The following ERBB4 variants were observed in gnomAD, a reference collection of about 807,000 sequenced individuals.
The protein encoded by ERBB4 is receptor tyrosine-protein kinase erbB-4.
A neutral mutation model predicts 158.0 loss-of-function variants in ERBB4; 42 were observed. The ratio of observed to expected loss-of-function variants is 0.27; its 90% CI spans 0.21 to 0.34. The LOEUF is 0.34. Ranked by LOEUF, ERBB4 falls within the 10% of genes least tolerant of loss-of-function variation. The pLI, the probability that ERBB4 is intolerant of heterozygous loss-of-function variation, is 1.00. For synonymous variants in ERBB4, 583 were observed against 558.7 expected, an observed-to-expected ratio of 1.04 and a Z score of -0.61; for missense variants, 1,333 against 1,624.1, an observed-to-expected ratio of 0.82 and a Z score of 3.08.
intron 19 of ERBB4, among the ~76,000 whole-genome samples, chr2:211,614,405 G>A (rs923279664): frequency 6.6e-6 from 1 of 151,980 alleles, no homozygotes; most frequent in Non-Finnish European, 1.5e-5. Flanking sequence ...ATTTTAAGAT[G>A]ACTTAATGAG....
intron 1 of ERBB4, among the ~76,000 whole-genome samples, chr2:212,213,186 C>A (rs1338042415): frequency 6.6e-6 from 1 of 150,720 alleles, no homozygotes; most frequent in East Asian, 2.0e-4. Flanking sequence ...GGTGTAATAT[C>A]CAGAATTTAC....
chr2:212,463,584 C>A (rs189216647), intron 1 of ERBB4, among the ~76,000 whole-genome samples: 59 of 151,846 alleles, frequency 3.9e-4, no homozygotes, highest in African/African-American at 1.4e-3. Flanking sequence ...TTATTTATAC[C>A]TGAAAAGGCT....
chr2:211,399,602 T>C (rs1039596423), intron 25 of ERBB4, among the ~76,000 whole-genome samples: 1 of 152,180 alleles, frequency 6.6e-6, no homozygotes, highest in Non-Finnish European at 1.5e-5. Context: ...TCTGAAGCCA[T>C]TGTTGGAAAT....
At chr2:212,204,967 C>G (rs539183730) in intron 1 of ERBB4, among the ~76,000 whole-genome samples, 1 of 151,066 alleles carries the variant, frequency 6.6e-6, no homozygotes, top group Non-Finnish European at 1.5e-5. Flanking sequence ...TACAGGTATG[C>G]ACCACCACGC....
intron 20 of ERBB4, among the ~76,000 whole-genome samples, chr2:211,541,870 G>A (rs1365707544): frequency 5.3e-5 from 8 of 151,948 alleles, no homozygotes; most frequent in Non-Finnish European, 1.2e-4. Context: ...TGTCACGTGA[G>A]TTTCATGTTA....
At chr2:211,963,190 T>C (rs1236967475) in intron 2 of ERBB4, among the ~76,000 whole-genome samples, 5 of 152,074 alleles carry the variant, frequency 3.3e-5, no homozygotes, top group Non-Finnish European at 5.9e-5. Flanking sequence ...ATATTTGTGG[T>C]TGTCATCTTT....
intron 1 of ERBB4, among the ~76,000 whole-genome samples, chr2:212,321,992 G>T (rs1188802841): frequency 6.7e-6 from 1 of 150,156 alleles, no homozygotes; most frequent in Admixed American, 6.6e-5. Flanking sequence ...AGAATAATAC[G>T]ATTTTGTTGG....
chr2:212,030,001 C>A (rs1224375989), intron 2 of ERBB4, among the ~76,000 whole-genome samples: 1 of 152,076 alleles, frequency 6.6e-6, no homozygotes, highest in Non-Finnish European at 1.5e-5. Flanking sequence ...TCAGGCATAC[C>A]AGGCTGTGAC....
Position 212,440,767 on chromosome 2 carries a change from G to A in ERBB4, c.82+97682C>T, listed in dbSNP as rs80048278. The stretch of plus-strand genomic sequence containing the variant: ...ACTTAACACTCCTGATTCACCACTC[G>A]TGAGAGGCAAAGAGTTTAGTGACTC... On this transcript the variant is annotated intron_variant, in intron 1 of 27. Transcript: ENST00000342788. Among the ~76,000 whole-genome samples the A allele has an allele frequency of 7.0e-4, 107 of 152,278 alleles. 1 individual carries two copies. The highest frequency in any genetic ancestry group is 2.1e-3 in the African/African-American group (87 of 41,562).
At chr2:211,450,818 T>C (rs2125476719) in intron 20 of ERBB4, among the ~76,000 whole-genome samples, 1 of 152,280 alleles carries the variant, frequency 6.6e-6, no homozygotes, top group African/African-American at 2.4e-5. Context: ...TATGACTACC[T>C]GACAACATAT....
chr2:211,736,834 C>T (rs1311995483), intron 5 of ERBB4, among the ~76,000 whole-genome samples: 3 of 151,958 alleles, frequency 2.0e-5, no homozygotes, highest in Admixed American at 6.6e-5. Flanking sequence ...TACAAAACAA[C>T]TTTTTGGATC....
chr2:212,316,244 G>A (rs1438365586), intron 1 of ERBB4, among the ~76,000 whole-genome samples: 1 of 151,188 alleles, frequency 6.6e-6, no homozygotes, highest in Non-Finnish European at 1.5e-5. Context: ...GAGTAGTATG[G>A]TGCACTGTAA....
intron 19 of ERBB4, among the ~76,000 whole-genome samples, chr2:211,596,440 G>A (rs1291616089): frequency 6.6e-6 from 1 of 152,146 alleles, no homozygotes; most frequent in African/African-American, 2.4e-5. Context: ...AGTTCTGGAT[G>A]CTTAGGTCTA....
At chr2:211,978,727 T>C (rs1401941199) in intron 2 of ERBB4, among the ~76,000 whole-genome samples, 1 of 152,220 alleles carries the variant, frequency 6.6e-6, no homozygotes, top group Non-Finnish European at 1.5e-5. Context: ...TTGTCCTAAG[T>C]ACCATACTCA....
chr2:212,125,003 C>A, intron 1 of ERBB4, 100 bp from the exon 2 acceptor site: 1 of 1,359,168 alleles, frequency 7.4e-7, no homozygotes, highest in East Asian at 2.3e-5. Flanking sequence ...AAGCCTATCC[C>A]AGTTCTCTGA....
chr2:211,561,809 T>C (rs1027531000), intron 20 of ERBB4, 94 bp downstream of exon 20: 9 of 1,100,048 alleles, frequency 8.2e-6, no homozygotes, highest in Non-Finnish European at 1.1e-5. Context: ...TTTATTTAAA[T>C]GGGAAGACAA....
At chr2:212,112,918 CA>C (rs1446763605) in intron 2 of ERBB4, among the ~76,000 whole-genome samples, 1 of 152,024 alleles carries the variant, frequency 6.6e-6, no homozygotes, top group Non-Finnish European at 1.5e-5. Context: ...ATTATCTGTT[CA>C]AAAAATAAAA....
chr2:212,499,756 G>A (rs935699010), intron 1 of ERBB4, among the ~76,000 whole-genome samples: 1 of 152,098 alleles, frequency 6.6e-6, no homozygotes, highest in Admixed American at 6.6e-5. Flanking sequence ...AAGCTGGTCT[G>A]GTGAGGAAAT....
chr2:212,467,347 G>C (rs556307678), intron 1 of ERBB4, among the ~76,000 whole-genome samples: 3 of 152,266 alleles, frequency 2.0e-5, no homozygotes, highest in Non-Finnish European at 4.4e-5. Flanking sequence ...CAGGCCCAGA[G>C]GCTTGAGAGG....
Sources: gnomAD v4.1 joint callset for allele counts (sites outside exome capture counted in the v4.1 genomes callset) on GRCh38, gnomAD v4.1.1 for gene constraint, MANE v1.5 for transcripts, NCBI Gene and HGNC (gene_info 2026-07-23, HGNC 2026-07-21) for gene names.